The following AKAP12 variants were observed in gnomAD, a reference collection of about 807,000 sequenced individuals.
The protein encoded by AKAP12 is A-kinase anchoring protein 12.
AKAP12 carries 32 observed loss-of-function variants against 79.9 expected under a neutral mutation model. The observed-to-expected ratio is 0.40, with a 90% CI of 0.30 to 0.54. The LOEUF (loss-of-function observed/expected upper bound fraction) is 0.54. AKAP12 is among the 20% of genes least tolerant of loss of function. The pLI is 0.48. For synonymous variants in AKAP12, 808 were observed against 857.0 expected, an observed-to-expected ratio of 0.94 and a Z score of 1.00; for missense variants, 2,074 against 2,177.0, an observed-to-expected ratio of 0.95 and a Z score of 0.94.
At chr6:151,279,695 A>C (rs1776358238) in intron 2 of AKAP12, among the ~76,000 whole-genome samples, 1 of 151,832 alleles carries the variant, frequency 6.6e-6, no homozygotes, top group Non-Finnish European at 1.5e-5. Flanking sequence ...ATAAGCAAGC[A>C]AAAGCCGGCG....
chr6:151,322,897 C>T (rs527916326), intron 3 of AKAP12, among the ~76,000 whole-genome samples: 3 of 152,348 alleles, frequency 2.0e-5, no homozygotes, highest in East Asian at 1.9e-4. Context: ...TGGGAAAACA[C>T]GTTTTCTATC....
intron 2 of AKAP12, among the ~76,000 whole-genome samples, chr6:151,241,626 T>G (rs1796978944): frequency 6.6e-6 from 1 of 152,184 alleles, no homozygotes; most frequent in Non-Finnish European, 1.5e-5. Flanking sequence ...CGTGGTATTT[T>G]AGATCTATTT....
rs35650826 is a variant in AKAP12 at position 151,258,926 on chromosome 6, CTG to C, written c.162+18224_162+18225del. Among the ~76,000 whole-genome samples the C allele has an allele frequency of 4.8e-3, 702 of 147,784 alleles. 3 individuals carry two copies. Among genetic ancestry groups the C allele is most frequent in the African/African-American group, 0.014 (585 of 40,394 alleles). On this transcript the variant is annotated intron_variant, in intron 2 of 4. Coordinates refer to ENST00000402676, the MANE Select transcript of AKAP12 (RefSeq NM_005100.4). Reference sequence around the variant, plus strand: ...ATAGGTATGAGCCACTGTGCCCAGCCTGTGTGTGTGTGTGTGTGTGTGTTTAT... The same window carrying C: ...ATAGGTATGAGCCACTGTGCCCAGCCTGTGTGTGTGTGTGTGTGTGTTTAT...
At chr6:151,311,270 T>G (rs547239722) in intron 3 of AKAP12, among the ~76,000 whole-genome samples, 1 of 152,296 alleles carries the variant, frequency 6.6e-6, no homozygotes, top group East Asian at 1.9e-4. Flanking sequence ...CAGCCAGCCT[T>G]AAGTAATTTC....
At chr6:151,282,153 G>A (rs535977732) in intron 2 of AKAP12, among the ~76,000 whole-genome samples, 2 of 151,734 alleles carry the variant, frequency 1.3e-5, no homozygotes, top group South Asian at 2.1e-4. Flanking sequence ...GTGCTATCTC[G>A]GCTCACTGCA....
chr6:151,322,169 A>C (rs184075048), intron 3 of AKAP12, among the ~76,000 whole-genome samples: 202 of 151,818 alleles, frequency 1.3e-3, no homozygotes, highest in African/African-American at 4.5e-3. Flanking sequence ...CAGCCTCCCA[A>C]AGTGCTGGGA....
intron 2 of AKAP12, among the ~76,000 whole-genome samples, chr6:151,290,880 G>T (rs902802993): frequency 6.6e-6 from 1 of 152,208 alleles, no homozygotes; most frequent in Non-Finnish European, 1.5e-5. Flanking sequence ...GAAGTGCTGG[G>T]ATTACAGGCG....
chr6:151,273,837 G>T (rs1776238647), intron 2 of AKAP12, among the ~76,000 whole-genome samples: 1 of 152,076 alleles, frequency 6.6e-6, no homozygotes, highest in Non-Finnish European at 1.5e-5. Flanking sequence ...AGACCAGCCT[G>T]ACCAACATGG....
intron 2 of AKAP12, 120 bp downstream of exon 2, chr6:151,240,844 C>T: frequency 3.1e-6 from 3 of 961,260 alleles, no homozygotes; most frequent in Non-Finnish European, 4.0e-6. Context: ...GCCGCATCTG[C>T]AAACTCAGGA....
chr6:151,295,091 C>T (rs1027170244), intron 2 of AKAP12, among the ~76,000 whole-genome samples: 3 of 152,194 alleles, frequency 2.0e-5, no homozygotes, highest in East Asian at 1.9e-4. Flanking sequence ...ACGCAGTATA[C>T]TCATGCTCTC....
chr6:151,243,175 T>G (rs1421910742), intron 2 of AKAP12, among the ~76,000 whole-genome samples: 1 of 152,236 alleles, frequency 6.6e-6, no homozygotes, highest in Non-Finnish European at 1.5e-5. Flanking sequence ...GAAGTGCATA[T>G]GGCTCAAATG....
intron 3 of AKAP12, among the ~76,000 whole-genome samples, chr6:151,320,356 G>A (rs1777347048): frequency 6.6e-6 from 1 of 151,952 alleles, no homozygotes; most frequent in South Asian, 2.1e-4. Flanking sequence ...CTGGCCTCAA[G>A]CAATCCTCCC....
chr6:151,284,696 T>C (rs972904484), intron 2 of AKAP12, among the ~76,000 whole-genome samples: 3 of 152,152 alleles, frequency 2.0e-5, no homozygotes, highest in African/African-American at 2.4e-5. Flanking sequence ...TCCCTGCCAT[T>C]GGTACTTTTT....
intron 2 of AKAP12, among the ~76,000 whole-genome samples, chr6:151,268,952 T>TG (rs1554321386): frequency 1.3e-4 from 10 of 77,648 alleles, no homozygotes; most frequent in Non-Finnish European, 2.2e-4. Flanking sequence ...CCTGTTTTTT[T>TG]TTTTTTTTTT....
At chr6:151,260,373 A>T (rs1266371961) in intron 2 of AKAP12, among the ~76,000 whole-genome samples, 1 of 152,204 alleles carries the variant, frequency 6.6e-6, no homozygotes, top group African/African-American at 2.4e-5. Context: ...CTTGGAGCTC[A>T]TGGGTATGAT....
intron 2 of AKAP12, among the ~76,000 whole-genome samples, chr6:151,272,874 T>C (rs1440997923): frequency 2.6e-5 from 4 of 152,032 alleles, no homozygotes; most frequent in Non-Finnish European, 4.4e-5. Context: ...AGTTGTCTTA[T>C]GTAGTGGATT....
intron 3 of AKAP12, among the ~76,000 whole-genome samples, chr6:151,346,401 G>A (rs1362402667): frequency 2.0e-5 from 3 of 152,232 alleles, no homozygotes; most frequent in Non-Finnish European, 2.9e-5. Flanking sequence ...GTTACTTGCA[G>A]ACAATCCTTT....
chr6:151,242,308 G>T (rs539345085), intron 2 of AKAP12, among the ~76,000 whole-genome samples: 2 of 151,564 alleles, frequency 1.3e-5, no homozygotes, highest in Non-Finnish European at 2.9e-5. Context: ...CAGTAAACTT[G>T]AATTTGTTTA....
At chr6:151,259,415 T>C (rs1797365868) in intron 2 of AKAP12, among the ~76,000 whole-genome samples, 2 of 149,818 alleles carry the variant, frequency 1.3e-5, no homozygotes, top group South Asian at 4.2e-4. Context: ...TATTTATATA[T>C]GTATATATAT....
Sources: gnomAD v4.1 joint callset for allele counts (sites outside exome capture counted in the v4.1 genomes callset) on GRCh38, gnomAD v4.1.1 for gene constraint, MANE v1.5 for transcripts, NCBI Gene and HGNC (gene_info 2026-07-23, HGNC 2026-07-21) for gene names.